Variants in ARHGEF10 observed in about 807,000 individuals in gnomAD.
ARHGEF10 encodes the protein Rho guanine nucleotide exchange factor (GEF) 10.
In ARHGEF10, 140 loss-of-function variants were observed where a neutral mutation model predicts 147.4. That is an observed-to-expected ratio of 0.95 (90% CI 0.83 to 1.09). The LOEUF (loss-of-function observed/expected upper bound fraction) is 1.09. Among genes scored for constraint, ARHGEF10 ranks in the 50% least tolerant of loss-of-function variants. The pLI, the probability that ARHGEF10 is intolerant of heterozygous loss-of-function variation, is 0.00. For synonymous variants in ARHGEF10, 902 were observed against 695.8 expected (o/e 1.30, Z -4.67); for missense variants, 2,222 against 1,752.7 (o/e 1.27, Z -4.78).
Position 1,925,373 on chromosome 8 carries a change from C to T in ARHGEF10, c.2579C>T (p.Pro860Leu), listed in dbSNP as rs1812607026. The T allele has an allele frequency of 1.2e-6, 2 of 1,614,086 alleles. No homozygotes were observed. Among genetic ancestry groups the T allele is most frequent in the Non-Finnish European group, 8.5e-7 (1 of 1,180,028 alleles). The change falls in exon 22 of 29, where the codon CCC becomes CTC. Residue 860 changes from proline to leucine, a missense_variant. Pro to Leu is a moderately conservative substitution (Grantham distance 98, BLOSUM62 -3). Transcript: ENST00000349830. ...EKHPLLVGHM[P>L]VMVAKQQEFK... ...CATCCTCTCCTCGTCGGACACATGC[C>T]CGTGATGGTGGCCAAGCAGCAGGAG... is the stretch of plus-strand genomic sequence containing the variant.
At chr8:1,944,193 T>C (rs1454810438) in intron 26 of ARHGEF10, among the ~76,000 whole-genome samples, 3 of 150,490 alleles carry the variant, frequency 2.0e-5, no homozygotes, top group African/African-American at 7.4e-5. Flanking sequence ...GCTACCTCCC[T>C]GGGGACCCCA....
At chr8:1,876,427 C>A in intron 7 of ARHGEF10, 144 bp from the exon 8 acceptor site, 2 of 868,038 alleles carry the variant, frequency 2.3e-6, no homozygotes, top group Non-Finnish European at 3.8e-6. Flanking sequence ...ATGGAGCAAG[C>A]CCGGGGCTCC....
intron 18 of ARHGEF10, among the ~76,000 whole-genome samples, chr8:1,916,841 G>C (rs2129197573): frequency 6.6e-6 from 1 of 152,320 alleles, no homozygotes; most frequent in South Asian, 2.1e-4. Context: ...AGAATGACCT[G>C]TAATTCTTGT....
intron 8 of ARHGEF10, among the ~76,000 whole-genome samples, chr8:1,878,966 C>T (rs750379105): frequency 6.6e-6 from 1 of 152,196 alleles, no homozygotes; most frequent in South Asian, 2.1e-4. Context: ...GGTGGGAATA[C>T]TGTGTGGGGT....
chr8:1,908,634 G>T (rs1206749102), intron 17 of ARHGEF10, among the ~76,000 whole-genome samples: 1 of 152,208 alleles, frequency 6.6e-6, no homozygotes, highest in Non-Finnish European at 1.5e-5. Flanking sequence ...TCCTGGGGCT[G>T]CGGGGATGCT....
At chr8:1,881,913 T>C (rs1401030129) in intron 9 of ARHGEF10, among the ~76,000 whole-genome samples, 3 of 152,178 alleles carry the variant, frequency 2.0e-5, no homozygotes, top group African/African-American at 7.2e-5. Context: ...CAGTGGCCAG[T>C]ACCTCAGATG....
intron 1 of ARHGEF10, among the ~76,000 whole-genome samples, chr8:1,836,198 A>G (rs11988258): frequency 0.59 from 88,909 of 150,448 alleles, 26,622 homozygotes; most frequent in Middle Eastern, 0.71. Flanking sequence ...AAAAAAAGAA[A>G]AAAAAAAACA....
intron 2 of ARHGEF10, among the ~76,000 whole-genome samples, chr8:1,849,379 G>C (rs11774460): frequency 0.46 from 68,031 of 149,372 alleles, 16,730 homozygotes; most frequent in South Asian, 0.57. Context: ...CGTGGACACA[G>C]AAGGCAAATG....
intron 9 of ARHGEF10, 84 bp downstream of exon 9, chr8:1,880,248 C>G: frequency 1.1e-6 from 1 of 940,876 alleles, no homozygotes; most frequent in Non-Finnish European, 1.7e-6. Context: ...TCCTTGCTGT[C>G]TCAACAGCGG....
intron 26 of ARHGEF10, among the ~76,000 whole-genome samples, chr8:1,944,417 TC>T (rs1224935937): frequency 6.6e-6 from 1 of 152,166 alleles, no homozygotes; most frequent in African/African-American, 2.4e-5. Context: ...AGAAGGGATC[TC>T]CCATCCACTG....
Position 1,869,123 on chromosome 8 carries a change from G to A in ARHGEF10, c.623-71G>A, listed in dbSNP as rs374516520. ...AATCATGACATCATCGGCGACTGTG[G>A]CCCTGTAAAATTTAAATTGCACTAG... On this transcript the variant is annotated intron_variant, in intron 6 of 28. Transcript: ENST00000349830. The A allele has an allele frequency of 1.2e-3, 1,580 of 1,331,498 alleles. 1 individual carries two copies. The highest frequency in any genetic ancestry group is 1.6e-3 in the Non-Finnish European group (1,472 of 921,854). 82.5% of individuals were successfully genotyped at this position (1,331,498 alleles called of 1,614,324 possible). A position where few individuals can be genotyped will look rare whatever the true frequency, so the allele number is the denominator to read the frequency against.
intron 1 of ARHGEF10, among the ~76,000 whole-genome samples, chr8:1,830,219 A>C (rs1803008207): frequency 1.1e-5 from 1 of 95,026 alleles, no homozygotes; most frequent in South Asian, 3.4e-4. Flanking sequence ...TTTCCACTGC[A>C]ATCCGCAGGC....
intron 15 of ARHGEF10, among the ~76,000 whole-genome samples, chr8:1,901,535 C>T (rs1026790371): frequency 6.6e-5 from 10 of 152,236 alleles, no homozygotes; most frequent in African/African-American, 2.4e-4. Flanking sequence ...TATTTCTCTC[C>T]GTTGTTGTGC....
intron 2 of ARHGEF10, among the ~76,000 whole-genome samples, chr8:1,847,798 A>G (rs1804672926): frequency 6.6e-6 from 1 of 152,234 alleles, no homozygotes. Context: ...CATTCAAAAT[A>G]AGAGAAAATC....
chr8:1,826,243 A>G, intron 1 of ARHGEF10: 1 of 1,047,914 alleles, frequency 9.5e-7, no homozygotes, highest in Non-Finnish European at 1.4e-6. Context: ...ATGTTTTTAA[A>G]AGTTGATGCT....
chr8:1,869,494 G>C (rs536831731), intron 7 of ARHGEF10: 2 of 625,904 alleles, frequency 3.2e-6, no homozygotes, highest in South Asian at 3.4e-5. Flanking sequence ...GAGGAGTAAA[G>C]GTACAGAAAA....
chr8:1,897,630 G>A (rs1810109814), intron 14 of ARHGEF10, among the ~76,000 whole-genome samples: 1 of 151,712 alleles, frequency 6.6e-6, no homozygotes, highest in South Asian at 2.1e-4. Flanking sequence ...TAAGGCATCG[G>A]ATTGCAGTTC....
intron 2 of ARHGEF10, 23 bp downstream of exon 2, chr8:1,843,459 C>T: frequency 2.5e-6 from 4 of 1,592,758 alleles, no homozygotes; most frequent in Non-Finnish European, 3.4e-6. Flanking sequence ...AGTAGGTGGG[C>T]CTGTGGGTCA....
At chr8:1,919,536 C>T (rs565650303) in intron 18 of ARHGEF10, among the ~76,000 whole-genome samples, 1 of 146,028 alleles carries the variant, frequency 6.8e-6, no homozygotes. Flanking sequence ...ATAAACTGTT[C>T]TGTCGAGTGA....
Sources: gnomAD v4.1 joint callset for allele counts (sites outside exome capture counted in the v4.1 genomes callset) on GRCh38, gnomAD v4.1.1 for gene constraint, MANE v1.5 for transcripts, NCBI Gene and HGNC (gene_info 2026-07-23, HGNC 2026-07-21) for gene names.